The following CENPU variants were observed in gnomAD, a reference collection of about 807,000 sequenced individuals.
The protein encoded by CENPU is centromere protein U, also known as KSHV latent nuclear antigen interacting protein 1.
CENPU carries 46 observed loss-of-function variants against 56.7 expected under a neutral mutation model. That is an observed-to-expected ratio of 0.81 (90% confidence interval 0.64 to 1.04). CENPU has a LOEUF of 1.04. Ranked by LOEUF, CENPU falls within the 50% of genes least tolerant of loss-of-function variation. CENPU has a pLI of 0.00. For missense variants in CENPU, 510 were observed against 490.1 expected (o/e 1.04, Z -0.38); for synonymous variants, 166 against 163.0 (o/e 1.02, Z -0.14).
In CENPU at chr4:184,728,961, C is replaced by G. The variant is rs1761546527; in HGVS notation, c.171G>C (p.Arg57Ser). ...CTTCATCTTTCTCATTTTCACCCAG[C>G]CTGCCAATGCTTGAGACATCAGAAT... ...PDNSDVSSIG[R>S]LGENEKDEET... The change falls in exon 3 of 13, where the codon AGG (arginine) becomes AGC (serine). Residue 57 changes from arginine (R) to serine (S), a missense_variant. Coordinates refer to ENST00000281453, the MANE Select transcript of CENPU (RefSeq NM_024629.4). The G allele has an allele frequency of 5.6e-6, 9 of 1,613,984 alleles. No individual in the cohort carries two copies. Among genetic ancestry groups the G allele is most frequent in the Non-Finnish European group, 7.6e-6 (9 of 1,179,984 alleles).
intron 4 of CENPU, 96 bp from the exon 5 acceptor site, chr4:184,717,292 T>C: frequency 1.1e-6 from 1 of 877,216 alleles, no homozygotes; most frequent in Admixed American, 2.0e-5. Context: ...ACAGACTCAA[T>C]TTAATGAGGA....
rs1212647476 is a variant in CENPU, at chr4:184,694,177, A to AGAT, written c.*1108_*1110dup. On this transcript the variant is annotated 3_prime_UTR_variant, in exon 13 of 13. Transcript: ENST00000281453. ...AGCATGGGTACTAAGTCCATTGTCAAGATAGCAAATTTATCTTCTGATTTG... is the reference window on the plus strand; with the variant it reads ...AGCATGGGTACTAAGTCCATTGTCAAGATGATAGCAAATTTATCTTCTGATTTG... 3 of 1,024,288 alleles carry AGAT rather than the reference A, an allele frequency of 2.9e-6. No homozygotes were observed. Among genetic ancestry groups the AGAT allele is most frequent in the Admixed American group, 1.0e-4 (2 of 19,908 alleles). The allele number at this position is 1,024,288 out of a possible 1,614,324, so 63.4% of individuals were successfully genotyped here.
chr4:184,733,571 T>C lies in CENPU; in HGVS notation c.47+445A>G, dbSNP rs553675770. On this transcript the variant is annotated intron_variant, in intron 1 of 12. Coordinates refer to ENST00000281453, the MANE Select transcript of CENPU (RefSeq NM_024629.4). ...CAGCTCGGTCCCCCAGCCGGATTTA[T>C]GCTCCAGTTTACGGTCTGTGGTTTG... is the stretch of plus-strand genomic sequence containing the variant. Among the ~76,000 whole-genome samples, 9 of 152,364 alleles carry C rather than the reference T, an allele frequency of 5.9e-5. No individual in the cohort carries two copies. In the South Asian group the frequency reaches 1.7e-3, roughly 28 times the overall value.
chr4:184,724,003 G>A (rs1046002173), intron 4 of CENPU, among the ~76,000 whole-genome samples: 2 of 151,994 alleles, frequency 1.3e-5, no homozygotes, highest in African/African-American at 2.4e-5. Flanking sequence ...AGTGGCTGAC[G>A]CCTGTAATCC....
intron 6 of CENPU, among the ~76,000 whole-genome samples, chr4:184,713,438 A>G (rs989530731): frequency 7.9e-5 from 12 of 152,242 alleles, no homozygotes; most frequent in Non-Finnish European, 1.6e-4. Context: ...TAGTTCTAAA[A>G]CAGATTAGTT....
intron 4 of CENPU, among the ~76,000 whole-genome samples, chr4:184,722,685 C>A (rs1761320331): frequency 1.4e-5 from 2 of 146,884 alleles, no homozygotes; most frequent in African/African-American, 2.5e-5. Flanking sequence ...GAGAGATGAA[C>A]CAGTAAAAAC....
At chr4:184,696,943 C>T (rs915084168) in intron 12 of CENPU, among the ~76,000 whole-genome samples, 2 of 149,610 alleles carry the variant, frequency 1.3e-5, no homozygotes, top group Non-Finnish European at 3.0e-5. Flanking sequence ...TGCAGTAGTG[C>T]GATCACAGCT....
chr4:184,728,795 G>A (rs1008380616), intron 3 of CENPU, 123 bp downstream of exon 3: 1 of 698,230 alleles, frequency 1.4e-6, no homozygotes, highest in African/African-American at 1.8e-5. Context: ...ACTCCCCAGA[G>A]AACATTATAT....
At chr4:184,708,921 GA>G (rs1018395516) in intron 8 of CENPU, among the ~76,000 whole-genome samples, 1 of 152,078 alleles carries the variant, frequency 6.6e-6, no homozygotes, top group African/African-American at 2.4e-5. Context: ...AACAGAAGGG[GA>G]AATTCTATCT....
intron 11 of CENPU, chr4:184,698,182 C>T: frequency 6.2e-6 from 1 of 160,270 alleles, no homozygotes; most frequent in Non-Finnish European, 1.4e-5. Context: ...AAAAAGCCTT[C>T]CCAGTGCTCC....
Position 184,716,447 on chromosome 4 carries a change from T to A in CENPU, c.568A>T (p.Ser190Cys), listed in dbSNP as rs1398743092. ...SVTSKKTGPL[S>C]AQPSVEKENL... ...TCTTTTTCAACAGAGGGCTGGGCAC[T>A]AAGGGGTCCTGTCTTTTTAGAAGTG... Residue 190 changes from serine (S) to cysteine (C), a missense_variant, in exon 6 of 13, where the codon AGT becomes TGT. Transcript: ENST00000281453. 1 of 1,614,234 alleles carries A rather than the reference T, an allele frequency of 6.2e-7. No homozygotes were observed. The highest frequency in any genetic ancestry group is 1.1e-5 in the South Asian group (1 of 91,080).
Position 184,694,619 on chromosome 4 carries a change from CTGCTGA to C in CENPU, c.*663_*668del. ...CCTAGCAGGCTGTCAACAGGTGCAT[CTGCTGA>C]TGCTGTCTGGGATAATGGCATTGAT... On this transcript the variant is annotated 3_prime_UTR_variant, in exon 13 of 13. Coordinates refer to ENST00000281453, the MANE Select transcript of CENPU (RefSeq NM_024629.4). 6.2e-7 allele frequency: 1 copy of C among 1,614,152 alleles called. No individual in the cohort carries two copies. Among genetic ancestry groups the C allele is most frequent in the Non-Finnish European group, 8.5e-7 (1 of 1,179,992 alleles).
intron 2 of CENPU, among the ~76,000 whole-genome samples, chr4:184,729,929 A>T (rs1222291934): frequency 6.6e-6 from 1 of 152,272 alleles, no homozygotes; most frequent in Non-Finnish European, 1.5e-5. Flanking sequence ...TCTGGAAGGT[A>T]TAAAGGAGGT....
intron 1 of CENPU, chr4:184,733,483 C>G (rs1232818520): frequency 5.5e-6 from 5 of 902,526 alleles, no homozygotes; most frequent in Non-Finnish European, 6.7e-6. Context: ...TTGCAACCGA[C>G]CAAACGCTCG....
intron 12 of CENPU, 143 bp downstream of exon 12, chr4:184,697,504 T>G: frequency 1.4e-6 from 1 of 736,832 alleles, no homozygotes; most frequent in East Asian, 2.8e-5. Flanking sequence ...GAAGTTTCAC[T>G]GGCTTATAGT....
intron 4 of CENPU, among the ~76,000 whole-genome samples, chr4:184,720,497 C>G (rs893765047): frequency 6.6e-6 from 1 of 152,070 alleles, no homozygotes; most frequent in Non-Finnish European, 1.5e-5. Context: ...ACTTCCTAAA[C>G]CAGAGAAAGG....
At position 184,733,515 on chromosome 4, in the gene CENPU, C is replaced by T. The variant is rs1394873198; in HGVS notation, c.47+501G>A. On this transcript the variant is annotated intron_variant, in intron 1 of 12. Transcript: ENST00000281453. ...CTCGCTTTCTTTGGTAAACAAAAAC[C>T]GCTCGAGCCATCCTGGAGAACCGCA... 5 of 609,348 alleles carry T rather than the reference C, an allele frequency of 8.2e-6. No individual in the cohort carries two copies. In the South Asian group the frequency reaches 3.3e-4, roughly 40 times the overall value. 37.7% of individuals were successfully genotyped at this position (609,348 alleles called of 1,614,324 possible).
intron 6 of CENPU, 79 bp downstream of exon 6, chr4:184,716,318 G>C: frequency 2.4e-6 from 2 of 833,812 alleles, no homozygotes; most frequent in Non-Finnish European, 2.0e-6. Context: ...CTGAAGGAAA[G>C]AGAAAATGCT....
In CENPU at chr4:184,694,424, T is replaced by TTAA. The variant is rs1452269241; in HGVS notation, c.*861_*863dup. ...GCATATTCACTTTAGTATCTGTCAC[T>TTAA]TAATACCTTACTTCAACATAGAGTA... On this transcript the variant is annotated 3_prime_UTR_variant, in exon 13 of 13. Coordinates refer to ENST00000281453, the MANE Select transcript of CENPU (RefSeq NM_024629.4). 1.4e-6 allele frequency: 2 copies of TTAA among 1,474,052 alleles called. No individual in the cohort carries two copies. The highest frequency in any genetic ancestry group is 1.4e-5 in the South Asian group (1 of 70,282). 91.3% of individuals were successfully genotyped at this position (1,474,052 alleles called of 1,614,324 possible). A position where few individuals can be genotyped will look rare whatever the true frequency, so the allele number is the denominator to read the frequency against.
Sources: allele counts gnomAD v4.1 joint callset (sites outside exome capture counted in the v4.1 genomes callset), GRCh38; gene constraint gnomAD v4.1.1; transcripts MANE v1.5; gene names NCBI Gene and HGNC (gene_info 2026-07-23, HGNC 2026-07-21).